Variants in UBE2D3 observed in about 807,000 individuals in gnomAD.
UBE2D3 encodes ubiquitin conjugating enzyme E2 D3, also known as ubiquitin-conjugating enzyme E2 D3.
In UBE2D3, 2 loss-of-function variants were observed where a neutral mutation model predicts 22.8. That is an observed-to-expected ratio of 0.09 (90% CI 0.04 to 0.28). UBE2D3 has a LOEUF of 0.28. UBE2D3 is among the 10% of genes least tolerant of loss of function. UBE2D3 has a pLI of 1.00. For missense variants in UBE2D3, 27 were observed against 182.5 expected (o/e 0.15, Z 4.91); for synonymous variants, 56 against 60.4 (o/e 0.93, Z 0.34).
intron 1 of UBE2D3, among the ~76,000 whole-genome samples, chr4:102,835,324 C>T (rs1015710495): frequency 6.6e-6 from 1 of 152,132 alleles, no homozygotes; most frequent in Non-Finnish European, 1.5e-5. Context: ...TATAAGCAAT[C>T]TAAGGAGGAT....
chr4:102,860,728 T>C (rs1732856070), intron 1 of UBE2D3, among the ~76,000 whole-genome samples: 1 of 151,952 alleles, frequency 6.6e-6, no homozygotes, highest in Non-Finnish European at 1.5e-5. Context: ...CAAGGTTGTG[T>C]GCTTTCTTCC....
intron 2 of UBE2D3, chr4:102,819,679 A>ACC: frequency 1.4e-6 from 1 of 734,056 alleles, no homozygotes; most frequent in African/African-American, 1.9e-5. Flanking sequence ...CATGGATTCT[A>ACC]CCTTTAAGAC....
chr4:102,838,289 A>G (rs941260988), intron 1 of UBE2D3, among the ~76,000 whole-genome samples: 2 of 152,160 alleles, frequency 1.3e-5, no homozygotes, highest in South Asian at 4.1e-4. Flanking sequence ...GGTTATGTCT[A>G]TTGTATCTGC....
chr4:102,822,255 G>A lies in UBE2D3; in HGVS notation c.24+4230C>T, dbSNP rs148249983. On this transcript the variant is annotated intron_variant, in intron 2 of 7. Transcript: ENST00000453744. ...CTTTTTCAAATTAAACAAATACTGA[G>A]GTCCTATTATTATCAGCATCCTTCA... Among the ~76,000 whole-genome samples, 773 of 152,264 alleles carry A rather than the reference G, an allele frequency of 5.1e-3. 9 individuals are homozygous for A. The highest frequency in any genetic ancestry group is 0.018 in the African/African-American group (736 of 41,530).
At chr4:102,804,758 T>G (rs185776679) in intron 4 of UBE2D3, among the ~76,000 whole-genome samples, 1 of 152,178 alleles carries the variant, frequency 6.6e-6, no homozygotes, top group East Asian at 1.9e-4. Flanking sequence ...ACTGCAACCC[T>G]CTGCCTCCTG....
upstream of UBE2D3, among the ~76,000 whole-genome samples, chr4:102,831,676 T>C (rs1350423943): frequency 2.6e-5 from 4 of 152,236 alleles, no homozygotes; most frequent in Non-Finnish European, 5.9e-5. Flanking sequence ...TACTGTTTGA[T>C]TCTGTTTATG....
intron 1 of UBE2D3, among the ~76,000 whole-genome samples, chr4:102,858,723 T>C (rs1321388115): frequency 6.6e-6 from 1 of 151,962 alleles, no homozygotes; most frequent in Non-Finnish European, 1.5e-5. Context: ...GTATATATTG[T>C]ATATAATACA....
intron 2 of UBE2D3, among the ~76,000 whole-genome samples, chr4:102,820,521 C>G (rs776033401): frequency 6.6e-6 from 1 of 152,148 alleles, no homozygotes; most frequent in Non-Finnish European, 1.5e-5. Context: ...ATAGGTGAAA[C>G]AAGCATGCGT....
At chr4:102,834,830 G>A (rs188198538) in intron 1 of UBE2D3, among the ~76,000 whole-genome samples, 17 of 151,634 alleles carry the variant, frequency 1.1e-4, no homozygotes, top group South Asian at 1.0e-3. Context: ...CCAAGTTGGA[G>A]TGCAGTGGCA....
intron 1 of UBE2D3, among the ~76,000 whole-genome samples, chr4:102,835,928 G>A (rs975936599): frequency 2.0e-5 from 3 of 151,608 alleles, no homozygotes; most frequent in Non-Finnish European, 2.9e-5. Flanking sequence ...TTTCTGTCAC[G>A]GTAAATTAGT....
At chr4:102,817,609 T>C (rs578116365) in intron 2 of UBE2D3, among the ~76,000 whole-genome samples, 2 of 152,296 alleles carry the variant, frequency 1.3e-5, no homozygotes, top group East Asian at 3.9e-4. Context: ...TTTGGCAAAC[T>C]GAGGGAAAAA....
intron 1 of UBE2D3, among the ~76,000 whole-genome samples, chr4:102,867,814 A>AAT (rs1378651760): frequency 1.1e-4 from 16 of 152,046 alleles, no homozygotes; most frequent in African/African-American, 3.9e-4. Flanking sequence ...ACAACAACAA[A>AAT]ATTAAAACCT....
At chr4:102,802,384 A>G (rs375334006) in intron 5 of UBE2D3, 177 bp downstream of exon 5, 284 of 413,306 alleles carry the variant, frequency 6.9e-4, no homozygotes, top group African/African-American at 5.4e-3. Context: ...ATTCCTATTT[A>G]CAAAGCTCAA....
intron 6 of UBE2D3, among the ~76,000 whole-genome samples, chr4:102,800,324 T>A (rs1187220873): frequency 1.3e-5 from 2 of 152,084 alleles, no homozygotes; most frequent in African/African-American, 4.8e-5. Flanking sequence ...CAGCAGAATA[T>A]AAAATTACCT....
chr4:102,827,466 C>T lies in UBE2D3; in HGVS notation c.-168G>A. 10 of 986,246 alleles carry T rather than the reference C, an allele frequency of 1.0e-5. No homozygotes were observed. The highest frequency in any genetic ancestry group is 1.2e-5 in the Non-Finnish European group (10 of 830,192). The allele number at this position is 986,246 out of a possible 1,614,324, so 61.1% of individuals were successfully genotyped here. A position where few individuals can be genotyped will look rare whatever the true frequency, so the allele number is the denominator to read the frequency against. On this transcript the variant is annotated 5_prime_UTR_variant, in exon 1 of 8. Coordinates refer to ENST00000453744, the MANE Select transcript of UBE2D3 (RefSeq NM_181891.3). Reference sequence around the variant, plus strand: ...CTCCCTCAAGCTGCGGCCTCGGCCTCCTCCCCGCGCGGCAGCTGGTGCCTC... The same window carrying T: ...CTCCCTCAAGCTGCGGCCTCGGCCTTCTCCCCGCGCGGCAGCTGGTGCCTC...
At chr4:102,842,508 A>T (rs914705208) in intron 1 of UBE2D3, among the ~76,000 whole-genome samples, 8 of 152,042 alleles carry the variant, frequency 5.3e-5, no homozygotes, top group African/African-American at 1.9e-4. Context: ...GTGAGCTATG[A>T]TGAGGCCAGT....
intron 6 of UBE2D3, among the ~76,000 whole-genome samples, chr4:102,800,224 G>A (rs570276147): frequency 2.0e-5 from 3 of 151,850 alleles, no homozygotes; most frequent in South Asian, 2.1e-4. Flanking sequence ...GGTTCTGACC[G>A]ATTTTTTTTT....
At chr4:102,837,705 A>C (rs1184331637) in intron 1 of UBE2D3, among the ~76,000 whole-genome samples, 4 of 152,212 alleles carry the variant, frequency 2.6e-5, no homozygotes, top group Non-Finnish European at 5.9e-5. Context: ...TAATCCCAGC[A>C]CTTTGGGAGG....
At chr4:102,845,113 T>C (rs1024122481) in intron 1 of UBE2D3, among the ~76,000 whole-genome samples, 1 of 151,184 alleles carries the variant, frequency 6.6e-6, no homozygotes, top group Non-Finnish European at 1.5e-5. Context: ...CTGGGAGTGA[T>C]GGTGCATGCC....
Sources: allele counts gnomAD v4.1 joint callset (sites outside exome capture counted in the v4.1 genomes callset), GRCh38; gene constraint gnomAD v4.1.1; transcripts MANE v1.5; gene names NCBI Gene and HGNC (gene_info 2026-07-23, HGNC 2026-07-21).